ST3GAL3: variants seen among roughly 807,000 people sequenced by gnomAD.
The protein encoded by ST3GAL3 is ST3 beta-galactoside alpha-2,3-sialyltransferase 3.
ST3GAL3 carries 21 observed loss-of-function variants against 50.1 expected under a neutral mutation model. The observed-to-expected ratio is 0.42, with a 90% CI of 0.30 to 0.60. The LOEUF is 0.60. Ranked by LOEUF, ST3GAL3 falls within the 20% of genes least tolerant of loss-of-function variation. ST3GAL3 has a pLI of 0.19. For missense variants in ST3GAL3, 353 were observed against 489.4 expected, an observed-to-expected ratio of 0.72 and a Z score of 2.63; for synonymous variants, 183 against 190.0, an observed-to-expected ratio of 0.96 and a Z score of 0.30.
At chr1:43,815,640 A>G (rs1319422370) in intron 4 of ST3GAL3, among the ~76,000 whole-genome samples, 1 of 152,080 alleles carries the variant, frequency 6.6e-6, no homozygotes, top group Non-Finnish European at 1.5e-5. Flanking sequence ...TATTCTCTTT[A>G]TGATTTGGGT....
chr1:43,816,714 G>C (rs1159241512), intron 4 of ST3GAL3, among the ~76,000 whole-genome samples: 5 of 152,224 alleles, frequency 3.3e-5, no homozygotes, highest in African/African-American at 1.2e-4. Flanking sequence ...GTCCTGCAGA[G>C]TAGGCTGTTG....
chr1:43,879,339 A>C, intron 5 of ST3GAL3: 1 of 456,074 alleles, frequency 2.2e-6, no homozygotes, highest in Non-Finnish European at 4.4e-6. Context: ...AGACAGTGAG[A>C]AGGTTCGAAC....
intron 5 of ST3GAL3, among the ~76,000 whole-genome samples, chr1:43,883,188 C>T (rs2075437801): frequency 6.6e-6 from 1 of 152,010 alleles, no homozygotes; most frequent in Non-Finnish European, 1.5e-5. Flanking sequence ...AGGCTGGTCT[C>T]AAACTCCTAG....
chr1:43,761,163 C>G (rs75438293), intron 2 of ST3GAL3, among the ~76,000 whole-genome samples: 2,183 of 152,314 alleles, frequency 0.014, 53 homozygotes, highest in African/African-American at 0.05. Flanking sequence ...AGCTGGACAG[C>G]TTCAGCAGTT....
intron 1 of ST3GAL3, among the ~76,000 whole-genome samples, chr1:43,708,752 C>T (rs192824094): frequency 9.2e-5 from 14 of 152,276 alleles, no homozygotes; most frequent in Admixed American, 3.3e-4. Context: ...CTCCATTTCG[C>T]GTGTCTAACT....
At chr1:43,779,934 A>G (rs1245761997) in intron 2 of ST3GAL3, among the ~76,000 whole-genome samples, 1 of 152,062 alleles carries the variant, frequency 6.6e-6, no homozygotes, top group African/African-American at 2.4e-5. Flanking sequence ...CATTTTCTTG[A>G]AGAACTCTCT....
chr1:43,858,146 A>G (rs1444556400), intron 5 of ST3GAL3: 1 of 1,289,394 alleles, frequency 7.8e-7, no homozygotes, highest in South Asian at 1.2e-5. Context: ...GCTAAGAGAA[A>G]TGGTGCATGG....
At chr1:43,874,068 A>G (rs972766755) in intron 5 of ST3GAL3, among the ~76,000 whole-genome samples, 3 of 152,128 alleles carry the variant, frequency 2.0e-5, no homozygotes, top group African/African-American at 7.2e-5. Context: ...AAACCAAAGA[A>G]AGTATTACAA....
At chr1:43,726,697 CA>C (rs1336884012) in intron 1 of ST3GAL3, among the ~76,000 whole-genome samples, 3 of 152,234 alleles carry the variant, frequency 2.0e-5, no homozygotes, top group African/African-American at 7.2e-5. Context: ...CGAGTTCAAG[CA>C]ATTCTTCTGC....
intron 5 of ST3GAL3, among the ~76,000 whole-genome samples, chr1:43,887,121 T>TA (rs1233489947): frequency 6.6e-6 from 1 of 152,100 alleles, no homozygotes; most frequent in Non-Finnish European, 1.5e-5. Context: ...TGGAAAAGGA[T>TA]AGAGTTTATG....
At chr1:43,752,009 G>T (rs1381395626) in intron 2 of ST3GAL3, among the ~76,000 whole-genome samples, 5 of 151,970 alleles carry the variant, frequency 3.3e-5, no homozygotes, top group Non-Finnish European at 5.9e-5. Flanking sequence ...TAGAGGCAGG[G>T]TTTCACCATG....
rs759128744 is a variant in ST3GAL3, at chr1:43,736,385, G to A, written c.118+5G>A. ...TCCAGTGGGAGGAGGACTCCAGTAA[G>A]TATAGTCACTCTAGCTCACCCCAGG... is the stretch of plus-strand genomic sequence containing the variant. On this transcript the variant is annotated splice_donor_5th_base_variant and intron_variant, in intron 2 of 11. Coordinates refer to ENST00000347631, the MANE Select transcript of ST3GAL3 (RefSeq NM_006279.5). The A allele has an allele frequency of 3.7e-6, 6 of 1,614,066 alleles. No individual in the cohort carries two copies. Among genetic ancestry groups the A allele is most frequent in the Middle Eastern group, 1.6e-4 (1 of 6,084 alleles).
chr1:43,899,586 CA>C lies in ST3GAL3; in HGVS notation c.607del (p.Thr203ArgfsTer37). ...VKGFEKDVGS[K>X]TTLRITYPEG... ...AAGGCTTTGAGAAGGACGTGGGCAG[CA>C]AAACGACACTGCGCATCACCTACCC... On this transcript the variant is annotated frameshift_variant, in exon 9 of 12. Coordinates refer to ENST00000347631, the MANE Select transcript of ST3GAL3 (RefSeq NM_006279.5). LOFTEE classifies it high-confidence loss of function. The surrounding 1 kb of genome is among the most constrained non-coding windows in gnomAD (Gnocchi z 5.4). The C allele has an allele frequency of 6.2e-7, 1 of 1,614,048 alleles. No homozygotes were observed. Among genetic ancestry groups the C allele is most frequent in the Admixed American group, 1.7e-5 (1 of 60,026 alleles).
chr1:43,779,717 T>C (rs1698723282), intron 2 of ST3GAL3, among the ~76,000 whole-genome samples: 1 of 152,238 alleles, frequency 6.6e-6, no homozygotes, highest in Non-Finnish European at 1.5e-5. Context: ...ATTCAGTCTA[T>C]ATACTATGAC....
rs2077874681 is a variant in ST3GAL3, at chr1:43,899,294, G to A, written c.557+31G>A. ...CTCCCCAAAATGGCACCTCGGGTGA[G>A]TGTCGTGGCCCCAACCCTTAGTCCT... On this transcript the variant is annotated intron_variant, in intron 8 of 11. Transcript: ENST00000347631. This position sits in a 1 kb window ranked among gnomAD's most constrained non-coding sequence, Gnocchi z 5.4. The A allele has an allele frequency of 6.2e-7, 1 of 1,614,198 alleles. No individual in the cohort carries two copies. Among genetic ancestry groups the A allele is most frequent in the African/African-American group, 1.3e-5 (1 of 75,060 alleles).
intron 5 of ST3GAL3, among the ~76,000 whole-genome samples, chr1:43,885,195 G>C (rs1324669011): frequency 6.6e-6 from 1 of 152,166 alleles, no homozygotes; most frequent in Non-Finnish European, 1.5e-5. Flanking sequence ...TCAGTCTACA[G>C]GTCTGCGAGC....
chr1:43,866,757 C>T (rs2071416642), intron 5 of ST3GAL3, among the ~76,000 whole-genome samples: 1 of 152,072 alleles, frequency 6.6e-6, no homozygotes, highest in African/African-American at 2.4e-5. Context: ...TGCTGGAAGA[C>T]AGGCTAGAAG....
chr1:43,797,610 G>A (rs188578611), intron 3 of ST3GAL3, among the ~76,000 whole-genome samples: 10 of 152,180 alleles, frequency 6.6e-5, no homozygotes, highest in East Asian at 3.9e-4. Flanking sequence ...TGATAAAAAC[G>A]CTCAGCAAAC....
chr1:43,877,070 G>T (rs997040590), intron 5 of ST3GAL3, among the ~76,000 whole-genome samples: 7 of 152,172 alleles, frequency 4.6e-5, no homozygotes, highest in Non-Finnish European at 1.0e-4. Flanking sequence ...TCTGTGACAG[G>T]TTTCTATCAC....
Sources: gnomAD v4.1 joint callset for allele counts (sites outside exome capture counted in the v4.1 genomes callset) on GRCh38, gnomAD v4.1.1 for gene constraint, Gnocchi (gnomAD v3.1) non-coding constraint, MANE v1.5 for transcripts, NCBI Gene and HGNC (gene_info 2026-07-23, HGNC 2026-07-21) for gene names.